The following COL9A2 variants were observed in gnomAD, a reference collection of about 807,000 sequenced individuals.
COL9A2 encodes collagen alpha-2(IX) chain.
In COL9A2, 66 loss-of-function variants were observed where a neutral mutation model predicts 111.6. That is an observed-to-expected ratio of 0.59 (90% confidence interval 0.48 to 0.73). The LOEUF (loss-of-function observed/expected upper bound fraction) is 0.73, where lower values mean the gene tolerates loss of function less well. Among genes scored for constraint, COL9A2 ranks in the 30% least tolerant of loss-of-function variants. The probability of loss-of-function intolerance (pLI) is 0.00; values close to 1 mark genes in which losing one functional copy is unlikely to be tolerated. For missense variants in COL9A2, 881 were observed against 954.1 expected (o/e 0.92, Z 1.01); for synonymous variants, 353 against 364.1 (o/e 0.97, Z 0.35).
In COL9A2 at chr1:40,302,905, C is replaced by T; in HGVS notation, c.1604-96G>A. ...CAGAGCATTCCGATGGGCCCTGGCCCCTAGGTTTGCAGACAGAAAAGCACC... is the reference window on the plus strand; with the variant it reads ...CAGAGCATTCCGATGGGCCCTGGCCTCTAGGTTTGCAGACAGAAAAGCACC... On this transcript the variant is annotated intron_variant, in intron 29 of 31. Coordinates refer to ENST00000372748, the MANE Select transcript of COL9A2 (RefSeq NM_001852.4). The surrounding 1 kb of genome is among the most constrained non-coding windows in gnomAD (Gnocchi z 4.5). The T allele has an allele frequency of 7.5e-7, 1 of 1,330,054 alleles. No homozygotes were observed. The highest frequency in any genetic ancestry group is 1.0e-6 in the Non-Finnish European group (1 of 958,994). The allele number at this position is 1,330,054 out of a possible 1,614,324, so 82.4% of individuals were successfully genotyped here. A position where few individuals can be genotyped will look rare whatever the true frequency, so the allele number is the denominator to read the frequency against.
At chr1:40,308,457 G>A (rs1644065132) in intron 16 of COL9A2, among the ~76,000 whole-genome samples, 1 of 152,236 alleles carries the variant, frequency 6.6e-6, no homozygotes, top group Non-Finnish European at 1.5e-5. Context: ...CAGGAGGCCA[G>A]GCTGGGCTGA....
Position 40,305,755 on chromosome 1 carries a change from G to C in COL9A2, c.1067C>G (p.Pro356Arg), listed in dbSNP as rs760181989. 1 of 1,614,110 alleles carries C rather than the reference G, an allele frequency of 6.2e-7. No homozygotes were observed. Among genetic ancestry groups the C allele is most frequent in the Admixed American group, 1.7e-5 (1 of 60,030 alleles). The stretch of plus-strand genomic sequence containing the variant: ...ACCAGAGAATCCAGGAAGGCCCTGC[G>C]GGCCCGGCTCACCCTGCAGGAAAAC... ...GGPGDQGEPG[P>R]QGLPGFSGPP... Residue 356 changes from proline (P) to arginine (R), a missense_variant, in exon 21 of 32, where the codon CCG (proline) becomes CGG (arginine). By Grantham distance (103) the Pro-to-Arg change is moderately radical. Coordinates refer to ENST00000372748, the MANE Select transcript of COL9A2 (RefSeq NM_001852.4).
intron 1 of COL9A2, chr1:40,315,960 T>C (rs1569770515): frequency 6.0e-6 from 2 of 335,202 alleles, no homozygotes; most frequent in East Asian, 4.9e-5. Flanking sequence ...GCGCCAGGAG[T>C]CCGCCCTGGA....
At position 40,303,738 on chromosome 1, in the gene COL9A2, G is replaced by A. The variant is rs1410466061; in HGVS notation, c.1402-62C>T. 6.5e-7 allele frequency: 1 copy of A among 1,545,182 alleles called. No homozygotes were observed. The highest frequency in any genetic ancestry group is 2.4e-5 in the East Asian group (1 of 41,228). On this transcript the variant is annotated intron_variant, in intron 27 of 31. Transcript: ENST00000372748. The surrounding 1 kb of genome is among the most constrained non-coding windows in gnomAD (Gnocchi z 4.6). ...GAAGGCGCCCGGGTGGGCGAGAGTG[G>A]GGGGTGGGGGTCGAGGAAGGGAGTG...
chr1:40,314,773 C>T lies in COL9A2; in HGVS notation c.151-386G>A, dbSNP rs7542118. On this transcript the variant is annotated intron_variant, in intron 2 of 31. Transcript: ENST00000372748. This position sits in a 1 kb window ranked among gnomAD's most constrained non-coding sequence, Gnocchi z 4.1. ...TTAGAGAAACGTGAAGGGGGATGAG[C>T]GAGTTGGGCAGCAGCTCTATTCCAG... 8.5e-4 allele frequency among the ~76,000 whole-genome samples: 129 copies of T among 151,992 alleles called. No homozygotes were observed. Among genetic ancestry groups the T allele is most frequent in the African/African-American group, 2.9e-3 (121 of 41,442 alleles).
Position 40,303,407 on chromosome 1 carries a change from G to A in COL9A2, c.1548+123C>T. 1.4e-6 allele frequency: 2 copies of A among 1,410,024 alleles called. No homozygotes were observed. The highest frequency in any genetic ancestry group is 2.0e-6 in the Non-Finnish European group (2 of 1,021,988). The allele number at this position is 1,410,024 out of a possible 1,614,324, so 87.3% of individuals were successfully genotyped here. ...CTCACAGCCTTCCTGTCTGCTCTGG[G>A]GCTTGGAACCAGTCTCGGGGAAGTC... On this transcript the variant is annotated intron_variant, in intron 28 of 31. Transcript: ENST00000372748. This position sits in a 1 kb window ranked among gnomAD's most constrained non-coding sequence, Gnocchi z 4.6.
At chr1:40,305,448 C>T (rs890186954) in intron 21 of COL9A2, among the ~76,000 whole-genome samples, 1 of 152,144 alleles carries the variant, frequency 6.6e-6, no homozygotes, top group Non-Finnish European at 1.5e-5. Context: ...AATGTTTATG[C>T]AATGAATAAA....
In COL9A2 at chr1:40,311,020, G is replaced by A. The variant is rs571301310; in HGVS notation, c.630+73C>T. On this transcript the variant is annotated intron_variant, in intron 12 of 31. Transcript: ENST00000372748. This position sits in a 1 kb window ranked among gnomAD's most constrained non-coding sequence, Gnocchi z 5.1. ...AACCCACAGGGGAAGGGGAAGGGAC[G>A]AAGAAGGGGACAGAGCCCTGTAGGA... 9 of 1,588,368 alleles carry A rather than the reference G, an allele frequency of 5.7e-6. No individual in the cohort carries two copies. Among genetic ancestry groups the A allele is most frequent in the Admixed American group, 1.7e-5 (1 of 59,970 alleles).
rs201985170 is a variant in COL9A2 at position 40,304,370 on chromosome 1, G to A, written c.1237C>T (p.Pro413Ser). ...CCTTGGGGCCCTGGAATTCCGGGGG[G>A]GCCCTGCTCCCCCTTAGGGCCCTGA... The part of the protein sequence containing the change: ...GRQGPKGEQG[P>S]PGIPGPQGLP... Residue 413 changes from proline (P) to serine (S), a missense_variant, in exon 24 of 32, where the codon CCC (proline) becomes TCC (serine). By Grantham distance (74) the Pro-to-Ser change is moderately conservative. Transcript: ENST00000372748. 6.4e-5 allele frequency: 102 copies of A among 1,588,370 alleles called. 1 individual carries two copies. In the East Asian group the frequency reaches 2.3e-3, roughly 35 times the overall value.
Position 40,311,466 on chromosome 1 carries a change from C to A in COL9A2, c.519+34G>T, listed in dbSNP as rs775697667. On this transcript the variant is annotated intron_variant, in intron 10 of 31. Coordinates refer to ENST00000372748, the MANE Select transcript of COL9A2 (RefSeq NM_001852.4). The surrounding 1 kb of genome is among the most constrained non-coding windows in gnomAD (Gnocchi z 5.1). ...TCCCCATCTCTGTGGCCCCGCCCCC[C>A]TGTGTTAGCCCCGCCCCAGACCTCG... 8 of 1,603,618 alleles carry A rather than the reference C, an allele frequency of 5.0e-6. No homozygotes were observed. In the Middle Eastern group the frequency reaches 5.1e-4, roughly 102 times the overall value.
Position 40,309,977 on chromosome 1 carries a change from A to G in COL9A2, c.807T>C (p.Pro269=). ...GATGPPGEEG[P]RGPPGRAGEK... ...CCCCAGCTCGGCCTGGCGGTCCCCT[A>G]GGACCTTCCTCACCCTGGCAAGAAA... is the stretch of plus-strand genomic sequence containing the variant. The change falls in exon 16 of 32, where the codon CCT becomes CCC. Residue 269 remains proline, a synonymous_variant. Coordinates refer to ENST00000372748, the MANE Select transcript of COL9A2 (RefSeq NM_001852.4). 1.2e-6 allele frequency: 2 copies of G among 1,614,108 alleles called. No homozygotes were observed. The highest frequency in any genetic ancestry group is 8.5e-7 in the Non-Finnish European group (1 of 1,180,018).
In COL9A2 at chr1:40,316,386, A is replaced by G. The variant is rs1644219245; in HGVS notation, c.76-722T>C. ...CTGGATCCCGTTTGCCTGCAATTCAATGCCCCTGGGTGGGTGTGAGGTTTC... is the reference window on the plus strand; with the variant it reads ...CTGGATCCCGTTTGCCTGCAATTCAGTGCCCCTGGGTGGGTGTGAGGTTTC... On this transcript the variant is annotated intron_variant, in intron 1 of 31. Transcript: ENST00000372748. The surrounding 1 kb of genome is among the most constrained non-coding windows in gnomAD (Gnocchi z 5.5). 1.3e-5 allele frequency among the ~76,000 whole-genome samples: 2 copies of G among 152,176 alleles called. No homozygotes were observed. The highest frequency in any genetic ancestry group is 1.3e-4 in the Admixed American group (2 of 15,278).
In COL9A2 at chr1:40,302,646, A is replaced by C. The variant is rs767999106; in HGVS notation, c.1767T>G (p.Gly589=). Residue 589 remains glycine, a synonymous_variant, in exon 30 of 32, where the codon GGT becomes GGG. Transcript: ENST00000372748. The surrounding 1 kb of genome is among the most constrained non-coding windows in gnomAD (Gnocchi z 4.5). The stretch of plus-strand genomic sequence containing the variant: ...CCTTGGGCCCCGTGTTGCCGATCTG[A>C]CCCACGGCTCCCACGATGCCAGGAA... ...RGVPGIVGAV[G]QIGNTGPKGK... 67 of 1,603,824 alleles carry C rather than the reference A, an allele frequency of 4.2e-5. No homozygotes were observed. Among genetic ancestry groups the C allele is most frequent in the Non-Finnish European group, 5.0e-5 (59 of 1,176,808 alleles).
chr1:40,313,168 TTTC>T, intron 4 of COL9A2, among the ~76,000 whole-genome samples: 1 of 147,050 alleles, frequency 6.8e-6, no homozygotes, highest in East Asian at 2.4e-4. Context: ...TTTCTTTTTC[TTTC>T]TTTTTTTTTT....
intron 22 of COL9A2, 35 bp from the exon 23 acceptor site, chr1:40,304,564 C>T: frequency 1.2e-5 from 19 of 1,613,122 alleles, no homozygotes; most frequent in Non-Finnish European, 1.6e-5. Flanking sequence ...ACCTCAGCAG[C>T]TCTCAGCAGG....
chr1:40,315,198 C>A, intron 2 of COL9A2: 1 of 1,041,036 alleles, frequency 9.6e-7, no homozygotes, highest in Non-Finnish European at 1.2e-6. Context: ...GGAGTCTGGC[C>A]CAAGCTGGTC....
In COL9A2 at chr1:40,312,521, G is replaced by A. The variant is rs774372260; in HGVS notation, c.340-42C>T. 2 of 1,613,940 alleles carry A rather than the reference G, an allele frequency of 1.2e-6. No homozygotes were observed. The highest frequency in any genetic ancestry group is 3.3e-5 in the Admixed American group (2 of 59,988). On this transcript the variant is annotated intron_variant, in intron 6 of 31. Coordinates refer to ENST00000372748, the MANE Select transcript of COL9A2 (RefSeq NM_001852.4). The surrounding 1 kb of genome is among the most constrained non-coding windows in gnomAD (Gnocchi z 6.0). ...GAAAATTGGCTTCATGGCTCCCTCT[G>A]CAGGTCCCCTCTCCCCCAAGAGTCC...
chr1:40,305,997 T>C (rs955052654), intron 20 of COL9A2, 146 bp downstream of exon 20: 1 of 912,782 alleles, frequency 1.1e-6, no homozygotes, highest in Non-Finnish European at 1.8e-6. Flanking sequence ...GCATGATGGG[T>C]GGGAGGTGGC....
intron 24 of COL9A2, 104 bp from the exon 25 acceptor site, chr1:40,304,203 A>T: frequency 2.0e-6 from 3 of 1,516,616 alleles, no homozygotes; most frequent in Admixed American, 2.1e-5. Flanking sequence ...CTCGCCGACC[A>T]GACCAGAACC....
Sources: gnomAD v4.1 joint callset for allele counts (sites outside exome capture counted in the v4.1 genomes callset) on GRCh38, gnomAD v4.1.1 for gene constraint, Gnocchi (gnomAD v3.1) non-coding constraint, MANE v1.5 for transcripts, NCBI Gene and HGNC (gene_info 2026-07-23, HGNC 2026-07-21) for gene names.